Variants in KIAA0825 observed in about 807,000 individuals in gnomAD.
KIAA0825 encodes KIAA0825.
KIAA0825 carries 119 observed loss-of-function variants against 147.6 expected under a neutral mutation model. That is an observed-to-expected ratio of 0.81 (90% CI 0.69 to 0.94). The LOEUF is 0.94. KIAA0825 is among the 40% of genes least tolerant of loss of function. KIAA0825 has a pLI of 0.00. For missense variants in KIAA0825, 1,381 were observed against 1,472.7 expected, an observed-to-expected ratio of 0.94 and a Z score of 1.02; for synonymous variants, 470 against 518.1, an observed-to-expected ratio of 0.91 and a Z score of 1.26.
At chr5:94,556,857 A>G (rs1272449799) in intron 2 of KIAA0825, among the ~76,000 whole-genome samples, 1 of 152,236 alleles carries the variant, frequency 6.6e-6, no homozygotes, top group Admixed American at 6.5e-5. Flanking sequence ...AACCCAGAGT[A>G]ATAATTTCTG....
chr5:94,304,637 G>C (rs538543829), intron 20 of KIAA0825, among the ~76,000 whole-genome samples: 17 of 151,884 alleles, frequency 1.1e-4, no homozygotes, highest in Non-Finnish European at 4.4e-5. Flanking sequence ...AGGCCAAAGT[G>C]AGCCATTAAA....
intron 5 of KIAA0825, among the ~76,000 whole-genome samples, chr5:94,485,866 T>C (rs979616302): frequency 6.6e-6 from 1 of 151,882 alleles, no homozygotes; most frequent in African/African-American, 2.4e-5. Context: ...ACATAATTCA[T>C]GAAGTCATGT....
intron 20 of KIAA0825, among the ~76,000 whole-genome samples, chr5:94,290,572 TA>T (rs1777844397): frequency 6.6e-6 from 1 of 152,180 alleles, no homozygotes; most frequent in Non-Finnish European, 1.5e-5. Flanking sequence ...TTTGCTATTG[TA>T]AATAGTGCTG....
intron 20 of KIAA0825, among the ~76,000 whole-genome samples, chr5:94,339,947 T>C (rs1229786597): frequency 3.3e-5 from 5 of 152,200 alleles, no homozygotes; most frequent in Non-Finnish European, 5.9e-5. Flanking sequence ...TCTTACTTTC[T>C]TCAATTATGG....
intron 20 of KIAA0825, among the ~76,000 whole-genome samples, chr5:94,214,360 C>T (rs2150050489): frequency 6.6e-6 from 1 of 152,210 alleles, no homozygotes; most frequent in East Asian, 1.9e-4. Flanking sequence ...CAAAAAATAA[C>T]CAAAAGGAAC....
At chr5:94,302,419 ACCCCTG>A (rs913308594) in intron 20 of KIAA0825, among the ~76,000 whole-genome samples, 1 of 152,054 alleles carries the variant, frequency 6.6e-6, no homozygotes, top group Non-Finnish European at 1.5e-5. Flanking sequence ...AGGGTGTTAA[ACCCCTG>A]TCAAGGTTTG....
intron 14 of KIAA0825, among the ~76,000 whole-genome samples, chr5:94,430,188 C>T (rs762584950): frequency 2.6e-5 from 4 of 152,150 alleles, no homozygotes; most frequent in Non-Finnish European, 4.4e-5. Flanking sequence ...AAAGAGTAGA[C>T]AGTTCAGCCT....
intron 13 of KIAA0825, among the ~76,000 whole-genome samples, chr5:94,449,855 G>A (rs748251811): frequency 6.6e-6 from 1 of 152,262 alleles, no homozygotes; most frequent in Non-Finnish European, 1.5e-5. Flanking sequence ...AAGGTGGGTG[G>A]ATCACTTGAG....
chr5:94,587,382 A>C (rs1346429120), intron 1 of KIAA0825, among the ~76,000 whole-genome samples: 1 of 152,234 alleles, frequency 6.6e-6, no homozygotes, highest in Non-Finnish European at 1.5e-5. Context: ...AATCACAAGC[A>C]GTCCTATACA....
At chr5:94,394,810 C>T (rs756986872) in intron 17 of KIAA0825, among the ~76,000 whole-genome samples, 47 of 152,090 alleles carry the variant, frequency 3.1e-4, no homozygotes, top group Non-Finnish European at 5.3e-4. Flanking sequence ...AAGATTAAGA[C>T]GGTCACTGCC....
At chr5:94,576,954 G>T (rs959594265) in intron 2 of KIAA0825, among the ~76,000 whole-genome samples, 1 of 152,110 alleles carries the variant, frequency 6.6e-6, no homozygotes, top group Non-Finnish European at 1.5e-5. Flanking sequence ...GGATAATGAC[G>T]CACTGGTTTA....
chr5:94,382,458 C>T (rs571066053), intron 20 of KIAA0825, among the ~76,000 whole-genome samples: 96 of 152,234 alleles, frequency 6.3e-4, no homozygotes, highest in African/African-American at 2.2e-3. Flanking sequence ...AATCGGTGAG[C>T]GATAGAAAAG....
intron 20 of KIAA0825, among the ~76,000 whole-genome samples, chr5:94,345,260 C>T (rs1016290409): frequency 6.6e-6 from 1 of 152,154 alleles, no homozygotes; most frequent in East Asian, 1.9e-4. Flanking sequence ...CCTTATGATA[C>T]TTTATAAAGC....
chr5:94,366,000 G>T (rs763756446), intron 20 of KIAA0825, among the ~76,000 whole-genome samples: 14 of 152,026 alleles, frequency 9.2e-5, no homozygotes, highest in Non-Finnish European at 2.1e-4. Flanking sequence ...ATATGGTCTT[G>T]TAGCCCCCAC....
In KIAA0825 at chr5:94,153,586, A is replaced by G. The variant is rs548400128; in HGVS notation, c.*421T>C. On this transcript the variant is annotated 3_prime_UTR_variant, in exon 21 of 21. Coordinates refer to ENST00000682413, the MANE Select transcript of KIAA0825 (RefSeq NM_001145678.3). ...AATTGGGACTTGGGCTACAGCTACA[A>G]CAAAATTAAATTAAAAATTTCAGAT... The G allele has an allele frequency of 6.5e-6, 1 of 153,242 alleles. No homozygotes were observed. The highest frequency in any genetic ancestry group is 1.5e-5 in the Non-Finnish European group (1 of 68,720). The allele number at this position is 153,242 out of a possible 1,614,324, so 9.5% of individuals were successfully genotyped here.
At chr5:94,315,891 C>T (rs181324431) in intron 20 of KIAA0825, among the ~76,000 whole-genome samples, 335 of 151,754 alleles carry the variant, frequency 2.2e-3, no homozygotes, top group African/African-American at 6.5e-3. Flanking sequence ...CTGTTGTTCA[C>T]GGTGTTATGT....
At chr5:94,355,295 A>G (rs1176398292) in intron 20 of KIAA0825, among the ~76,000 whole-genome samples, 1 of 152,188 alleles carries the variant, frequency 6.6e-6, no homozygotes, top group Non-Finnish European at 1.5e-5. Context: ...AGATCTAGCT[A>G]TGTTAATAGA....
intron 20 of KIAA0825, among the ~76,000 whole-genome samples, chr5:94,372,479 A>G (rs1466203015): frequency 1.3e-5 from 2 of 152,214 alleles, no homozygotes; most frequent in Non-Finnish European, 2.9e-5. Context: ...CACCCGCAGT[A>G]CCAAACCACG....
intron 12 of KIAA0825, among the ~76,000 whole-genome samples, chr5:94,455,574 C>T (rs1388901040): frequency 1.3e-5 from 2 of 151,834 alleles, no homozygotes; most frequent in Non-Finnish European, 2.9e-5. Flanking sequence ...AGCCACAAGA[C>T]AAGATAGAAA....
Sources: allele counts gnomAD v4.1 joint callset (sites outside exome capture counted in the v4.1 genomes callset), GRCh38; gene constraint gnomAD v4.1.1; transcripts MANE v1.5; gene names NCBI Gene and HGNC (gene_info 2026-07-23, HGNC 2026-07-21).